Variants in SEPTIN9 observed in about 807,000 individuals in gnomAD.
The protein encoded by SEPTIN9 is septin 9, also known as septin-9.
Under a neutral mutation model 56.6 loss-of-function variants are expected in SEPTIN9, and 13 were observed. That is an observed-to-expected ratio of 0.23 (90% CI 0.15 to 0.37). The LOEUF is 0.37. Among genes scored for constraint, SEPTIN9 ranks in the 10% least tolerant of loss-of-function variants. SEPTIN9 has a pLI of 1.00. For synonymous variants in SEPTIN9, 332 were observed against 334.1 expected (o/e 0.99, Z 0.07); for missense variants, 650 against 823.1 (o/e 0.79, Z 2.57).
At chr17:77,444,141 G>T (rs772257766) in intron 3 of SEPTIN9, among the ~76,000 whole-genome samples, 1 of 152,206 alleles carries the variant, frequency 6.6e-6, no homozygotes, top group African/African-American at 2.4e-5. Flanking sequence ...AAGAGCGTAG[G>T]CTCCTTAGAC....
At chr17:77,378,236 A>G (rs1281522912) in intron 2 of SEPTIN9, among the ~76,000 whole-genome samples, 1 of 152,144 alleles carries the variant, frequency 6.6e-6, no homozygotes, top group African/African-American at 2.4e-5. Context: ...GAATGGGGCT[A>G]GTGGACAGAG....
rs1165658890 is a variant in SEPTIN9 at position 77,496,035 on chromosome 17, T to TC, written c.1574-1280_1574-1279insC. ...TTTTCTTTTCTTTTTCTTTTTCTTT[T>TC]TTTTTTTTTTTGAGACGAAGTTTCA... On this transcript the variant is annotated intron_variant, in intron 10 of 11. Transcript: ENST00000427177. Among the ~76,000 whole-genome samples the TC allele has an allele frequency of 4.1e-5, 6 of 147,374 alleles. No homozygotes were observed. The East Asian group carries it at 7.7e-4, about 19-fold the overall frequency.
At chr17:77,444,393 G>A (rs2037658615) in intron 3 of SEPTIN9, among the ~76,000 whole-genome samples, 1 of 152,034 alleles carries the variant, frequency 6.6e-6, no homozygotes, top group African/African-American at 2.4e-5. Flanking sequence ...AACTAACCTT[G>A]TGGGGTCTGG....
chr17:77,322,822 C>G (rs905371350), intron 2 of SEPTIN9: 1 of 152,366 alleles, frequency 6.6e-6, no homozygotes, highest in African/African-American at 2.4e-5. Context: ...AGGCTGCAAG[C>G]CACTGCGAGA....
At chr17:77,355,029 C>T (rs74000211) in intron 2 of SEPTIN9, among the ~76,000 whole-genome samples, 1,608 of 152,238 alleles carry the variant, frequency 0.011, 26 homozygotes, top group African/African-American at 0.036. Flanking sequence ...CTTCCCATCA[C>T]GTCAGGGCCA....
intron 7 of SEPTIN9, among the ~76,000 whole-genome samples, chr17:77,489,997 G>C (rs1186082579): frequency 6.6e-6 from 1 of 152,234 alleles, no homozygotes; most frequent in African/African-American, 2.4e-5. Flanking sequence ...CGGGCGGTCT[G>C]TGGCACTTCT....
rs374640712 is a variant in SEPTIN9 at position 77,482,756 on chromosome 17, C to T, written c.913+421C>T. Reference sequence around the variant, plus strand: ...CAGAGGCTTCCCAGCAGCTCAGCTTCAGCTCTGCCCTGGAATTGGGGCCTC... The same window carrying T: ...CAGAGGCTTCCCAGCAGCTCAGCTTTAGCTCTGCCCTGGAATTGGGGCCTC... On this transcript the variant is annotated intron_variant, in intron 4 of 11. Coordinates refer to ENST00000427177, the MANE Select transcript of SEPTIN9 (RefSeq NM_001113491.2). The T allele has an allele frequency of 2.7e-4, 156 of 580,260 alleles. No individual in the cohort carries two copies. The East Asian group carries it at 4.1e-3, about 15-fold the overall frequency. 35.9% of individuals were successfully genotyped at this position (580,260 alleles called of 1,614,324 possible). A position where few individuals can be genotyped will look rare whatever the true frequency, so the allele number is the denominator to read the frequency against.
At chr17:77,347,104 G>T (rs964546050) in intron 2 of SEPTIN9, among the ~76,000 whole-genome samples, 8 of 152,032 alleles carry the variant, frequency 5.3e-5, no homozygotes, top group Admixed American at 6.6e-5. Context: ...GCATCCAGGC[G>T]CAGTGGCTCA....
chr17:77,420,123 G>A (rs2036647454), intron 3 of SEPTIN9, among the ~76,000 whole-genome samples: 1 of 152,178 alleles, frequency 6.6e-6, no homozygotes, highest in African/African-American at 2.4e-5. Context: ...GGGAGCCCTG[G>A]CCAGTCCCGT....
chr17:77,358,949 C>T (rs1010880847), intron 2 of SEPTIN9, among the ~76,000 whole-genome samples: 19 of 152,162 alleles, frequency 1.2e-4, no homozygotes, highest in African/African-American at 4.1e-4. Flanking sequence ...CAGGACAGCC[C>T]GGACCTAGTT....
chr17:77,303,960 T>C (rs371390692), intron 1 of SEPTIN9, among the ~76,000 whole-genome samples: 79 of 152,320 alleles, frequency 5.2e-4, no homozygotes, highest in African/African-American at 1.9e-3. Context: ...TACTTTCATC[T>C]GGGATGACTC....
In SEPTIN9 at chr17:77,329,557, G is replaced by A. The variant is rs376243049; in HGVS notation, c.76+22360G>A. ...CCTGGCAGCCTCAAGGCAGGAGCTG[G>A]GGTGTTGGAGGAGGAAGCACGCTCA... On this transcript the variant is annotated intron_variant, in intron 2 of 11. Transcript: ENST00000427177. The surrounding 1 kb of genome is among the most constrained non-coding windows in gnomAD (Gnocchi z 4.3). Among the ~76,000 whole-genome samples the A allele has an allele frequency of 7.2e-5, 11 of 152,274 alleles. No homozygotes were observed. The East Asian group carries it at 9.6e-4, about 13-fold the overall frequency.
At chr17:77,354,494 T>TG (rs946935241) in intron 2 of SEPTIN9, among the ~76,000 whole-genome samples, 3 of 152,142 alleles carry the variant, frequency 2.0e-5, no homozygotes, top group Non-Finnish European at 1.5e-5. Context: ...TTTCCCCAAA[T>TG]GCTCCTGCCC....
Position 77,425,052 on chromosome 17 carries a change from G to A in SEPTIN9, c.721+22349G>A, listed in dbSNP as rs1002465728. ...GAGTGACCACATGTGGAAGTCTAGC[G>A]TCCTTCATGCAAAGTGGGCAGGCGG... On this transcript the variant is annotated intron_variant, in intron 3 of 11. Transcript: ENST00000427177. The surrounding 1 kb of genome is among the most constrained non-coding windows in gnomAD (Gnocchi z 4.2). Among the ~76,000 whole-genome samples, 3 of 152,178 alleles carry A rather than the reference G, an allele frequency of 2.0e-5. No homozygotes were observed. The highest frequency in any genetic ancestry group is 7.2e-5 in the African/African-American group (3 of 41,444).
intron 2 of SEPTIN9, among the ~76,000 whole-genome samples, chr17:77,392,818 G>A (rs2035588114): frequency 6.6e-6 from 1 of 152,162 alleles, no homozygotes; most frequent in South Asian, 2.1e-4. Flanking sequence ...AAACAAATGT[G>A]GCTCTCTGTG....
chr17:77,479,649 A>G (rs538066801), intron 3 of SEPTIN9, among the ~76,000 whole-genome samples: 614 of 152,178 alleles, frequency 4.0e-3, no homozygotes, highest in African/African-American at 0.014. Flanking sequence ...GTGCCTGTGG[A>G]GGGACCCAGC....
chr17:77,354,633 A>G (rs1441353418), intron 2 of SEPTIN9, among the ~76,000 whole-genome samples: 1 of 152,138 alleles, frequency 6.6e-6, no homozygotes, highest in Non-Finnish European at 1.5e-5. Context: ...TGAGGCTCCC[A>G]GCAGCTGGGG....
chr17:77,288,505 G>A (rs1441371643), intron 1 of SEPTIN9, among the ~76,000 whole-genome samples: 1 of 152,224 alleles, frequency 6.6e-6, no homozygotes, highest in Non-Finnish European at 1.5e-5. Flanking sequence ...CGGGTGGGCC[G>A]CCCCTGGGGC....
At position 77,329,467 on chromosome 17, in the gene SEPTIN9, C is replaced by T. The variant is rs534619482; in HGVS notation, c.76+22270C>T. 6.6e-6 allele frequency among the ~76,000 whole-genome samples: 1 copy of T among 152,280 alleles called. No homozygotes were observed. The highest frequency in any genetic ancestry group is 2.4e-5 in the African/African-American group (1 of 41,560). On this transcript the variant is annotated intron_variant, in intron 2 of 11. Transcript: ENST00000427177. This position sits in a 1 kb window ranked among gnomAD's most constrained non-coding sequence, Gnocchi z 4.3. The stretch of plus-strand genomic sequence containing the variant: ...TGGTGTCTGAGCCCAGTGGTCCTGG[C>T]TGTGGTTTGGTACACTTGGCCGTGG...
Sources: gnomAD v4.1 joint callset for allele counts (sites outside exome capture counted in the v4.1 genomes callset) on GRCh38, gnomAD v4.1.1 for gene constraint, Gnocchi (gnomAD v3.1) non-coding constraint, MANE v1.5 for transcripts, NCBI Gene and HGNC (gene_info 2026-07-23, HGNC 2026-07-21) for gene names.